The following RYR2 variants were observed in gnomAD, a reference collection of about 807,000 sequenced individuals.
RYR2 encodes the protein cardiac muscle ryanodine receptor-calcium release channel.
Under a neutral mutation model 601.1 loss-of-function variants are expected in RYR2, and 227 were observed. The observed-to-expected ratio is 0.38, with a 90% CI of 0.34 to 0.42. The LOEUF is 0.42. Among genes scored for constraint, RYR2 ranks in the 10% least tolerant of loss-of-function variants. RYR2 has a pLI of 1.00. For synonymous variants in RYR2, 2,223 were observed against 2,175.1 expected (o/e 1.02, Z -0.61); for missense variants, 4,646 against 6,156.5 (o/e 0.75, Z 8.21).
At chr1:237,209,347 C>T (rs1682299071) in intron 1 of RYR2, among the ~76,000 whole-genome samples, 1 of 151,908 alleles carries the variant, frequency 6.6e-6, no homozygotes, top group Non-Finnish European at 1.5e-5. Flanking sequence ...AGCTACATCA[C>T]ATTTGCTCTA....
chr1:237,362,203 T>A (rs1208945994), intron 4 of RYR2, among the ~76,000 whole-genome samples: 6 of 152,218 alleles, frequency 3.9e-5, no homozygotes, highest in Non-Finnish European at 8.8e-5. Context: ...GAACTAAAAT[T>A]TCCACCTTTG....
chr1:237,690,250 T>C (rs1686821270), intron 63 of RYR2, among the ~76,000 whole-genome samples: 1 of 152,186 alleles, frequency 6.6e-6, no homozygotes, highest in South Asian at 2.1e-4. Flanking sequence ...GAGAGAATAG[T>C]GGGTTTGGAA....
intron 60 of RYR2, among the ~76,000 whole-genome samples, chr1:237,676,929 T>C (rs1685451973): frequency 6.6e-6 from 1 of 152,148 alleles, no homozygotes; most frequent in African/African-American, 2.4e-5. Flanking sequence ...TAACTTCATA[T>C]GAGAAAGTCT....
At position 237,614,028 on chromosome 1, in the gene RYR2, C is replaced by T; in HGVS notation, c.4911-11C>T. The T allele has an allele frequency of 1.2e-6, 2 of 1,604,404 alleles. No individual in the cohort carries two copies. Among genetic ancestry groups the T allele is most frequent in the Non-Finnish European group, 1.7e-6 (2 of 1,172,520 alleles). Reference sequence around the variant, plus strand: ...TTTCTAATCTTACTACCACTCTCCTCCCTTCTACAGATCTGTTGACATCTT... The same window carrying T: ...TTTCTAATCTTACTACCACTCTCCTTCCTTCTACAGATCTGTTGACATCTT... On this transcript the variant is annotated splice_polypyrimidine_tract_variant and intron_variant, in intron 36 of 104. Coordinates refer to ENST00000366574, the MANE Select transcript of RYR2 (RefSeq NM_001035.3). The surrounding 1 kb of genome is among the most constrained non-coding windows in gnomAD (Gnocchi z 4.3).
intron 25 of RYR2, among the ~76,000 whole-genome samples, chr1:237,546,701 T>C (rs894002328): frequency 6.6e-6 from 1 of 151,960 alleles, no homozygotes; most frequent in African/African-American, 2.4e-5. Flanking sequence ...TTACTTACAA[T>C]ATATGGGATG....
intron 17 of RYR2, among the ~76,000 whole-genome samples, chr1:237,489,472 C>T (rs757501139): frequency 2.6e-5 from 4 of 152,186 alleles, no homozygotes; most frequent in African/African-American, 4.8e-5. Context: ...GCCTGGCCAA[C>T]ATGGTGAAAC....
chr1:237,570,511 G>A (rs1672575742), intron 29 of RYR2, among the ~76,000 whole-genome samples: 1 of 151,656 alleles, frequency 6.6e-6, no homozygotes, highest in Non-Finnish European at 1.5e-5. Context: ...GCTAATTTTT[G>A]TATTTTTAGT....
chr1:237,258,061 G>C lies in RYR2; in HGVS notation c.49-12436G>C, dbSNP rs943533602. On this transcript the variant is annotated intron_variant, in intron 1 of 104. Coordinates refer to ENST00000366574, the MANE Select transcript of RYR2 (RefSeq NM_001035.3). ...CAGGTGCCTGTAATCCCAGCTACTC[G>C]AGAGGCTGAGGCAGGAGAATCCCTT... Among the ~76,000 whole-genome samples the C allele has an allele frequency of 3.3e-5, 5 of 151,262 alleles. No individual in the cohort carries two copies. In the South Asian group the frequency reaches 8.4e-4, roughly 25 times the overall value.
chr1:237,793,400 T>A (rs1658696910), intron 94 of RYR2, among the ~76,000 whole-genome samples: 1 of 152,222 alleles, frequency 6.6e-6, no homozygotes, highest in Non-Finnish European at 1.5e-5. Flanking sequence ...ATGTCGAAAT[T>A]AAAATTTATC....
chr1:237,264,361 C>T (rs919418705), intron 1 of RYR2, among the ~76,000 whole-genome samples: 1 of 152,140 alleles, frequency 6.6e-6, no homozygotes, highest in Non-Finnish European at 1.5e-5. Context: ...ACTTTCTTTG[C>T]TAACTAAGGC....
intron 17 of RYR2, among the ~76,000 whole-genome samples, chr1:237,490,113 A>G (rs1365356566): frequency 6.6e-6 from 1 of 152,210 alleles, no homozygotes; most frequent in Non-Finnish European, 1.5e-5. Context: ...TATCACTTAT[A>G]GTGGGAGCTA....
chr1:237,417,156 C>T (rs1318570067), intron 11 of RYR2, 33 bp downstream of exon 11: 4 of 1,504,066 alleles, frequency 2.7e-6, no homozygotes, highest in African/African-American at 1.4e-5. Flanking sequence ...GCCTAATGCA[C>T]CAAGTGTACC....
intron 3 of RYR2, among the ~76,000 whole-genome samples, chr1:237,342,208 G>T (rs1697874694): frequency 1.3e-5 from 2 of 151,386 alleles, no homozygotes; most frequent in Admixed American, 1.3e-4. Flanking sequence ...GAGTGCAGTG[G>T]TATGATCATA....
intron 1 of RYR2, among the ~76,000 whole-genome samples, chr1:237,225,560 G>T (rs1326540506): frequency 6.6e-6 from 1 of 152,184 alleles, no homozygotes; most frequent in Non-Finnish European, 1.5e-5. Flanking sequence ...CCCACAACAT[G>T]TGAGAATTAT....
chr1:237,067,715 G>T (rs1292028586), intron 1 of RYR2, among the ~76,000 whole-genome samples: 1 of 152,138 alleles, frequency 6.6e-6, no homozygotes, highest in African/African-American at 2.4e-5. Context: ...GGGTTGAATT[G>T]GCATCTTTAT....
At chr1:237,717,154 G>T in intron 71 of RYR2, 44 bp from the exon 72 acceptor site, 1 of 1,587,986 alleles carries the variant, frequency 6.3e-7, no homozygotes. Flanking sequence ...TTCTACATGT[G>T]AGAAAAGCAG....
chr1:237,259,747 A>T (rs1410427558), intron 1 of RYR2, among the ~76,000 whole-genome samples: 1 of 152,166 alleles, frequency 6.6e-6, no homozygotes, highest in African/African-American at 2.4e-5. Flanking sequence ...CCCTTTTCAC[A>T]GAACCGTAAA....
intron 1 of RYR2, among the ~76,000 whole-genome samples, chr1:237,105,522 A>C (rs12071372): frequency 0.28 from 43,077 of 151,232 alleles, 11,610 homozygotes; most frequent in African/African-American, 0.72. Context: ...CATGGTGAAA[A>C]CCTGTCTCTA....
At chr1:237,256,279 A>G (rs10925353) in intron 1 of RYR2, among the ~76,000 whole-genome samples, 15,533 of 152,156 alleles carry the variant, frequency 0.1, 858 homozygotes, top group Non-Finnish European at 0.12. Context: ...CCCTAGCCAC[A>G]TGGAACTGTG....
Sources: allele counts gnomAD v4.1 joint callset (sites outside exome capture counted in the v4.1 genomes callset), GRCh38; gene constraint gnomAD v4.1.1; non-coding constraint Gnocchi (gnomAD v3.1); transcripts MANE v1.5; gene names NCBI Gene and HGNC (gene_info 2026-07-23, HGNC 2026-07-21).